NPAS3: variants seen among roughly 807,000 people sequenced by gnomAD.
NPAS3 encodes the protein neuronal PAS domain protein 3.
Under a neutral mutation model 73.1 loss-of-function variants are expected in NPAS3, and 14 were observed. That is an observed-to-expected ratio of 0.19 (90% confidence interval 0.13 to 0.30). The LOEUF is 0.30. Ranked by LOEUF, NPAS3 falls within the 10% of genes least tolerant of loss-of-function variation. The pLI is 1.00. For missense variants in NPAS3, 1,096 were observed against 1,250.0 expected, an observed-to-expected ratio of 0.88 and a Z score of 1.86; for synonymous variants, 620 against 541.5, an observed-to-expected ratio of 1.14 and a Z score of -2.01.
chr14:33,618,466 G>C (rs950572500), intron 5 of NPAS3, among the ~76,000 whole-genome samples: 2 of 152,046 alleles, frequency 1.3e-5, no homozygotes, highest in Non-Finnish European at 1.5e-5. Flanking sequence ...GTTCACAATA[G>C]GGTCCATGCT....
intron 7 of NPAS3, among the ~76,000 whole-genome samples, chr14:33,751,289 T>C (rs951874246): frequency 6.6e-6 from 1 of 152,236 alleles, no homozygotes; most frequent in African/African-American, 2.4e-5. Flanking sequence ...AGTAAGTATA[T>C]AGATTTAAAC....
rs542068480 is a variant in NPAS3 at position 33,791,895 on chromosome 14, G to A, written c.1154-2002G>A. ...CTCTTTGCCTTTGTTAAACATACTA[G>A]AACCATTTGGAATTATTCCTCATTC... On this transcript the variant is annotated intron_variant, in intron 9 of 11. Transcript: ENST00000356141. 9.9e-5 allele frequency among the ~76,000 whole-genome samples: 15 copies of A among 152,236 alleles called. No individual in the cohort carries two copies. The South Asian group carries it at 2.9e-3, about 30-fold the overall frequency.
At chr14:33,448,740 C>G (rs2049640571) in intron 4 of NPAS3, among the ~76,000 whole-genome samples, 1 of 152,104 alleles carries the variant, frequency 6.6e-6, no homozygotes, top group South Asian at 2.1e-4. Context: ...ATCAAAGTGC[C>G]CCTGAGACAA....
chr14:32,980,561 A>G (rs2037855079), intron 1 of NPAS3, among the ~76,000 whole-genome samples: 1 of 152,222 alleles, frequency 6.6e-6, no homozygotes, highest in Non-Finnish European at 1.5e-5. Flanking sequence ...ATTTGGAATA[A>G]TTAAATTATA....
At chr14:32,951,593 A>G (rs2036486180) in intron 1 of NPAS3, among the ~76,000 whole-genome samples, 1 of 152,162 alleles carries the variant, frequency 6.6e-6, no homozygotes, top group South Asian at 2.1e-4. Flanking sequence ...TTTGGAGATA[A>G]GTACATTTGT....
intron 6 of NPAS3, among the ~76,000 whole-genome samples, chr14:33,681,315 GTCAAGATTTCTA>G (rs956183678): frequency 3.0e-4 from 45 of 152,230 alleles, no homozygotes; most frequent in African/African-American, 1.1e-3. Flanking sequence ...TTTGTATTGG[GTCAAGATTTCTA>G]TCAATGAACT....
intron 3 of NPAS3, among the ~76,000 whole-genome samples, chr14:33,284,511 A>G (rs1340274603): frequency 6.6e-6 from 1 of 152,146 alleles, no homozygotes; most frequent in Non-Finnish European, 1.5e-5. Context: ...AAAAGCCTCT[A>G]TGTATAGATG....
At chr14:33,421,578 T>C (rs1330932220) in intron 4 of NPAS3, among the ~76,000 whole-genome samples, 1 of 151,800 alleles carries the variant, frequency 6.6e-6, no homozygotes, top group African/African-American at 2.4e-5. Flanking sequence ...TTGAGAGTGA[T>C]ATCATGTGAA....
rs139562061 is a variant in NPAS3, at chr14:33,132,837, T to C, written c.140+76843T>C. 4.7e-3 allele frequency among the ~76,000 whole-genome samples: 715 copies of C among 152,298 alleles called. 9 individuals carry two copies. The highest frequency in any genetic ancestry group is 0.016 in the African/African-American group (684 of 41,582). ...CAGGGAAATAACTAATATTTACTGA[T>C]ACCTGTTATGCTGCATACATTTTAT... On this transcript the variant is annotated intron_variant, in intron 2 of 11. Transcript: ENST00000356141.
rs199930714 is a variant in NPAS3 at position 33,800,038 on chromosome 14, C to T, written c.1731C>T (p.Ser577=). Residue 577 remains serine, a synonymous_variant, in exon 12 of 12, where the codon TCC becomes TCT. Transcript: ENST00000356141. This position sits in a 1 kb window ranked among gnomAD's most constrained non-coding sequence, Gnocchi z 6.5. ...TGCAGAACTGCGAGTCACTCACGTC[C>T]GACAGCGCCAAGGACTCGGACAGCG... 20 of 1,609,240 alleles carry T rather than the reference C, an allele frequency of 1.2e-5. No homozygotes were observed. In the Admixed American group the frequency reaches 1.8e-4, roughly 15 times the overall value.
intron 2 of NPAS3, among the ~76,000 whole-genome samples, chr14:33,182,977 T>C (rs955035781): frequency 1.3e-5 from 2 of 152,216 alleles, no homozygotes; most frequent in African/African-American, 4.8e-5. Context: ...TTTCTTCTCA[T>C]CTATTGGCTT....
chr14:33,110,972 A>C (rs2042872890), intron 2 of NPAS3, among the ~76,000 whole-genome samples: 1 of 152,148 alleles, frequency 6.6e-6, no homozygotes, highest in Non-Finnish European at 1.5e-5. Flanking sequence ...AGGGAGCTAA[A>C]ACTGACAGAT....
intron 4 of NPAS3, among the ~76,000 whole-genome samples, chr14:33,480,382 A>G (rs995563793): frequency 3.3e-5 from 5 of 152,166 alleles, no homozygotes. Flanking sequence ...CCTTTAGGCA[A>G]TCTTCCATAA....
intron 3 of NPAS3, among the ~76,000 whole-genome samples, chr14:33,222,532 T>G (rs188290274): frequency 3.3e-5 from 5 of 152,326 alleles, no homozygotes; most frequent in African/African-American, 1.2e-4. Context: ...AGTAATTTCT[T>G]TCTTTAGGGT....
chr14:33,256,209 A>G (rs1235864619), intron 3 of NPAS3, among the ~76,000 whole-genome samples: 1 of 152,200 alleles, frequency 6.6e-6, no homozygotes, highest in Non-Finnish European at 1.5e-5. Flanking sequence ...TTTGTGTGTC[A>G]CATTATACTT....
At position 33,591,246 on chromosome 14, in the gene NPAS3, GCC is replaced by G. The variant is rs535559789; in HGVS notation, c.558+31038_558+31039del. Among the ~76,000 whole-genome samples, 7 of 152,158 alleles carry G rather than the reference GCC, an allele frequency of 4.6e-5. No individual in the cohort carries two copies. The East Asian group carries it at 1.4e-3, about 29-fold the overall frequency. ...CCAGTTTTACCTTTACTCCCTCACT[GCC>G]CACTCTTCTCGACTTTGCTCTGTAC... On this transcript the variant is annotated intron_variant, in intron 5 of 11. Coordinates refer to ENST00000356141, the Ensembl canonical transcript of NPAS3.
intron 3 of NPAS3, among the ~76,000 whole-genome samples, chr14:33,287,929 T>C (rs926475190): frequency 6.6e-6 from 1 of 152,208 alleles, no homozygotes; most frequent in Non-Finnish European, 1.5e-5. Flanking sequence ...TTATTATGTT[T>C]GCAAGTAACT....
At chr14:33,785,865 G>A (rs1436370403) in intron 9 of NPAS3, among the ~76,000 whole-genome samples, 3 of 152,260 alleles carry the variant, frequency 2.0e-5, no homozygotes, top group African/African-American at 7.2e-5. Flanking sequence ...CAAAAGACTT[G>A]ATCAAAAGAT....
chr14:33,514,632 TGAAA>T (rs779840323), intron 4 of NPAS3, among the ~76,000 whole-genome samples: 12 of 152,120 alleles, frequency 7.9e-5, no homozygotes, highest in East Asian at 5.8e-4. Flanking sequence ...AATTAGAACA[TGAAA>T]GAAAGAAATT....
Sources: gnomAD v4.1 joint callset for allele counts (sites outside exome capture counted in the v4.1 genomes callset) on GRCh38, gnomAD v4.1.1 for gene constraint, Gnocchi (gnomAD v3.1) non-coding constraint, MANE v1.5 for transcripts, NCBI Gene and HGNC (gene_info 2026-07-23, HGNC 2026-07-21) for gene names.